ALDH8A1: variants seen among roughly 807,000 people sequenced by gnomAD.
ALDH8A1 encodes the protein 2-aminomuconic semialdehyde dehydrogenase.
In ALDH8A1, 39 loss-of-function variants were observed where a neutral mutation model predicts 43.3. The ratio of observed to expected loss-of-function variants is 0.90; its 90% CI spans 0.70 to 1.18. The LOEUF (loss-of-function observed/expected upper bound fraction) is 1.18. Ranked by LOEUF, ALDH8A1 falls within the 50% of genes most tolerant of loss-of-function variation. The pLI, the probability that ALDH8A1 is intolerant of heterozygous loss-of-function variation, is 0.00. For synonymous variants in ALDH8A1, 233 were observed against 243.5 expected, an observed-to-expected ratio of 0.96 and a Z score of 0.40; for missense variants, 605 against 622.6, an observed-to-expected ratio of 0.97 and a Z score of 0.30.
In ALDH8A1 at chr6:134,929,039, C is replaced by A; in HGVS notation, c.1011+15G>T. ...AGAACTTATTCTGTAACTTACATGG[C>A]AGAAATTTACTTACTTTCTCCAAAT... On this transcript the variant is annotated intron_variant, in intron 6 of 6. Coordinates refer to ENST00000265605, the MANE Select transcript of ALDH8A1 (RefSeq NM_022568.4). 6.2e-7 allele frequency: 1 copy of A among 1,612,342 alleles called. No homozygotes were observed. Among genetic ancestry groups the A allele is most frequent in the Non-Finnish European group, 8.5e-7 (1 of 1,179,040 alleles).
chr6:134,939,097 G>A (rs1409875919), intron 4 of ALDH8A1, among the ~76,000 whole-genome samples, 169 bp downstream of exon 4: 1 of 152,196 alleles, frequency 6.6e-6, no homozygotes. Flanking sequence ...TTGAAGACAG[G>A]AAGCAGGGTG....
chr6:134,931,551 C>A (rs918513219), intron 5 of ALDH8A1, among the ~76,000 whole-genome samples: 1 of 152,176 alleles, frequency 6.6e-6, no homozygotes, highest in African/African-American at 2.4e-5. Context: ...CAGGTGTGAG[C>A]CACCATGCCT....
chr6:134,935,410 T>A (rs562202654), intron 4 of ALDH8A1, among the ~76,000 whole-genome samples: 88 of 152,342 alleles, frequency 5.8e-4, no homozygotes, highest in African/African-American at 2.0e-3. Flanking sequence ...GGTTAATGAC[T>A]GTTAAGTAAA....
intron 6 of ALDH8A1, among the ~76,000 whole-genome samples, chr6:134,926,420 T>C (rs1369194142): frequency 6.6e-6 from 1 of 151,184 alleles, no homozygotes; most frequent in African/African-American, 2.4e-5. Context: ...AGGCTGGTCT[T>C]AAACTCCTGA....
chr6:134,933,468 A>C (rs980438767), intron 4 of ALDH8A1, among the ~76,000 whole-genome samples: 1 of 152,126 alleles, frequency 6.6e-6, no homozygotes, highest in African/African-American at 2.4e-5. Context: ...CATGCTGCAG[A>C]GGTGCAAAGA....
intron 6 of ALDH8A1, among the ~76,000 whole-genome samples, chr6:134,922,871 CAGTTG>C (rs1776827206): frequency 1.3e-5 from 2 of 152,052 alleles, no homozygotes; most frequent in African/African-American, 4.8e-5. Context: ...GAAAAGTCTT[CAGTTG>C]AGTTGATAGT....
chr6:134,939,045 C>T (rs1773803172), intron 4 of ALDH8A1, among the ~76,000 whole-genome samples: 1 of 152,128 alleles, frequency 6.6e-6, no homozygotes, highest in African/African-American at 2.4e-5. Context: ...CAGTCGCCCA[C>T]CCTGGGGAGT....
At chr6:134,931,365 G>C (rs1172938235) in intron 5 of ALDH8A1, among the ~76,000 whole-genome samples, 1 of 152,184 alleles carries the variant, frequency 6.6e-6, no homozygotes, top group Non-Finnish European at 1.5e-5. Flanking sequence ...CCGGATTTAA[G>C]AGATTATCCT....
At chr6:134,919,112 C>T (rs1312130731) in intron 6 of ALDH8A1, among the ~76,000 whole-genome samples, 2 of 152,170 alleles carry the variant, frequency 1.3e-5, no homozygotes, top group Non-Finnish European at 2.9e-5. Flanking sequence ...GTGCCAGGAA[C>T]TCAGATAAGT....
Position 134,942,480 on chromosome 6 carries a change from T to C in ALDH8A1, c.371A>G (p.His124Arg), listed in dbSNP as rs775551985. 2 of 1,614,190 alleles carry C rather than the reference T, an allele frequency of 1.2e-6. No homozygotes were observed. Among genetic ancestry groups the C allele is most frequent in the Non-Finnish European group, 1.7e-6 (2 of 1,180,038 alleles). The stretch of plus-strand genomic sequence containing the variant: ...GTCCATCTGCGTGCACTCTGACGTG[T>C]GGTGCAGGCTGGAGGAAGCGAAGAA... ...FRFFASSSLH[H>R]TSECTQMDHL... The change falls in exon 3 of 7, where the codon CAC (histidine) becomes CGC (arginine). Residue 124 changes from histidine (H) to arginine (R), a missense_variant. Coordinates refer to ENST00000265605, the MANE Select transcript of ALDH8A1 (RefSeq NM_022568.4).
intron 6 of ALDH8A1, 81 bp from the exon 7 acceptor site, chr6:134,918,948 T>A (rs186804357): frequency 6.9e-7 from 1 of 1,452,612 alleles, no homozygotes; most frequent in Non-Finnish European, 9.5e-7. Flanking sequence ...TGTTTTCTAA[T>A]CATCTCGGAA....
chr6:134,937,478 A>C (rs911503083), intron 4 of ALDH8A1, among the ~76,000 whole-genome samples: 2 of 152,212 alleles, frequency 1.3e-5, no homozygotes, highest in African/African-American at 4.8e-5. Context: ...GGGCTGTCTT[A>C]GTTTAATGGG....
At chr6:134,936,799 T>C (rs1394794398) in intron 4 of ALDH8A1, among the ~76,000 whole-genome samples, 1 of 152,154 alleles carries the variant, frequency 6.6e-6, no homozygotes, top group Non-Finnish European at 1.5e-5. Context: ...ATCCAGAAAT[T>C]AATGGAATTT....
At position 134,949,920 on chromosome 6, in the gene ALDH8A1, T is replaced by C. The variant is rs199832437; in HGVS notation, c.134A>G (p.Asp45Gly). 7 of 1,593,358 alleles carry C rather than the reference T, an allele frequency of 4.4e-6. No homozygotes were observed. The Admixed American group carries it at 5.2e-5, about 12-fold the overall frequency. Residue 45 changes from aspartate (D) to glycine (G), a missense_variant, in exon 1 of 7, where the codon GAC becomes GGC. By Grantham distance (94) the Asp-to-Gly change is moderately conservative (BLOSUM62 -1). Coordinates refer to ENST00000265605, the MANE Select transcript of ALDH8A1 (RefSeq NM_022568.4). ...TCTTTAAGTGCATATACTCACCTCGTCTTTTCCACTATTTGGCACTCTGCA... is the reference window on the plus strand; with the variant it reads ...TCTTTAAGTGCATATACTCACCTCGCCTTTTCCACTATTTGGCACTCTGCA... ...VYCRVPNSGK[D>G]EIEAAVKAAR...
chr6:134,930,829 A>G (rs1312702726), intron 5 of ALDH8A1, among the ~76,000 whole-genome samples: 1 of 152,244 alleles, frequency 6.6e-6, no homozygotes. Flanking sequence ...CTTTGGAGAG[A>G]TTAAGAAAAG....
At chr6:134,933,895 G>T (rs543976114) in intron 4 of ALDH8A1, among the ~76,000 whole-genome samples, 1 of 152,088 alleles carries the variant, frequency 6.6e-6, no homozygotes, top group African/African-American at 2.4e-5. Flanking sequence ...TTTTAGTAGA[G>T]AGGGGATTTC....
intron 6 of ALDH8A1, among the ~76,000 whole-genome samples, chr6:134,925,648 G>A (rs1776869972): frequency 6.6e-6 from 1 of 152,162 alleles, no homozygotes; most frequent in African/African-American, 2.4e-5. Context: ...TAAAGATACA[G>A]CAATGAATAA....
rs765992061 is a variant in ALDH8A1, at chr6:134,942,604, G to C, written c.287-40C>G. 38 of 1,584,946 alleles carry C rather than the reference G, an allele frequency of 2.4e-5. No homozygotes were observed. In the South Asian group the frequency reaches 3.8e-4, roughly 16 times the overall value. ...CAACATAAAGCACTATCAGCTAATG[G>C]GGACACTCTATCCATCAGCTTCCAC... On this transcript the variant is annotated intron_variant, in intron 2 of 6. Transcript: ENST00000265605.
chr6:134,918,699 C>G lies in ALDH8A1; in HGVS notation c.1180G>C (p.Gly394Arg). The G allele has an allele frequency of 1.9e-6, 3 of 1,614,124 alleles. No individual in the cohort carries two copies. Among genetic ancestry groups the G allele is most frequent in the Non-Finnish European group, 2.5e-6 (3 of 1,180,040 alleles). Residue 394 changes from glycine (G) to arginine (R), a missense_variant, in exon 7 of 7, where the codon GGT becomes CGT. By Grantham distance (125) the Gly-to-Arg change is moderately radical. Coordinates refer to ENST00000265605, the MANE Select transcript of ALDH8A1 (RefSeq NM_022568.4). ...ESCCMTEEIFGPVTCVVPFDS... is the reference protein window; with the variant it reads ...ESCCMTEEIFRPVTCVVPFDS... ...AAGGGGACGACACACGTCACTGGAC[C>G]AAATATCTCTTCCGTCATGCAGCAG...
Sources: allele counts gnomAD v4.1 joint callset (sites outside exome capture counted in the v4.1 genomes callset), GRCh38; gene constraint gnomAD v4.1.1; transcripts MANE v1.5; gene names NCBI Gene and HGNC (gene_info 2026-07-23, HGNC 2026-07-21).